TRPC1: variants seen among roughly 807,000 people sequenced by gnomAD.
TRPC1 encodes short transient receptor potential channel 1.
Under a neutral mutation model 88.2 loss-of-function variants are expected in TRPC1, and 42 were observed. That is an observed-to-expected ratio of 0.48 (90% CI 0.37 to 0.62). The LOEUF is 0.62. Among genes scored for constraint, TRPC1 ranks in the 20% least tolerant of loss-of-function variants. The probability of loss-of-function intolerance (pLI) is 0.00; values close to 1 mark genes in which losing one functional copy is unlikely to be tolerated. For synonymous variants in TRPC1, 288 were observed against 331.8 expected, an observed-to-expected ratio of 0.87 and a Z score of 1.43; for missense variants, 699 against 957.3, an observed-to-expected ratio of 0.73 and a Z score of 3.56.
At chr3:142,740,300 A>T (rs2108029029) in intron 2 of TRPC1, among the ~76,000 whole-genome samples, 1 of 152,368 alleles carries the variant, frequency 6.6e-6, no homozygotes, top group Non-Finnish European at 1.5e-5. Flanking sequence ...GGAAAACATT[A>T]AGTTCAGAAG....
chr3:142,727,150 A>G (rs1200373533), intron 1 of TRPC1, among the ~76,000 whole-genome samples: 4 of 152,206 alleles, frequency 2.6e-5, no homozygotes, highest in Non-Finnish European at 2.9e-5. Context: ...CTTTGTATGG[A>G]TGCTTTATAA....
At chr3:142,791,624 A>G (rs78426189) in intron 8 of TRPC1, among the ~76,000 whole-genome samples, 4,315 of 152,182 alleles carry the variant, frequency 0.028, 219 homozygotes, top group African/African-American at 0.099. Context: ...ATTAACCTGT[A>G]TATACTTAAA....
At chr3:142,771,834 A>G (rs1935590706) in intron 4 of TRPC1, among the ~76,000 whole-genome samples, 1 of 151,990 alleles carries the variant, frequency 6.6e-6, no homozygotes, top group Admixed American at 6.6e-5. Context: ...TTGCTTTTAT[A>G]TTTATTGTAA....
chr3:142,748,576 T>C (rs2108046291), intron 4 of TRPC1, 116 bp downstream of exon 4: 1 of 1,058,208 alleles, frequency 9.4e-7, no homozygotes, highest in Non-Finnish European at 1.4e-6. Flanking sequence ...GGGTGACTTA[T>C]GAAAGCCAAA....
chr3:142,781,982 AAATTGATGGAGG>A (rs1935970218), intron 6 of TRPC1, among the ~76,000 whole-genome samples: 1 of 152,130 alleles, frequency 6.6e-6, no homozygotes, highest in African/African-American at 2.4e-5. Flanking sequence ...AGTTATTAGG[AAATTGATGGAGG>A]AATTGATGGA....
rs1482674188 is a variant in TRPC1 at position 142,724,234 on chromosome 3, C to A, written c.-326C>A. The A allele has an allele frequency of 6.4e-6, 1 of 156,180 alleles. No individual in the cohort carries two copies. Among genetic ancestry groups the A allele is most frequent in the East Asian group, 1.9e-4 (1 of 5,380 alleles). The allele number at this position is 156,180 out of a possible 1,614,324, so 9.7% of individuals were successfully genotyped here. On this transcript the variant is annotated 5_prime_UTR_variant, in exon 1 of 13. Transcript: ENST00000476941. This position sits in a 1 kb window ranked among gnomAD's most constrained non-coding sequence, Gnocchi z 5.6. ...GCCCCTGCGACTCCTGGCACGGCCC[C>A]GTGCTCGGCTGCCGCCCTGGCGCGC... is the stretch of plus-strand genomic sequence containing the variant.
intron 1 of TRPC1, among the ~76,000 whole-genome samples, chr3:142,734,020 T>C (rs1934032437): frequency 6.6e-6 from 1 of 152,164 alleles, no homozygotes; most frequent in South Asian, 2.1e-4. Flanking sequence ...ACCAGGATTC[T>C]TAAAGGACTG....
chr3:142,732,971 T>A (rs1029567477), intron 1 of TRPC1, among the ~76,000 whole-genome samples: 1 of 152,066 alleles, frequency 6.6e-6, no homozygotes, highest in African/African-American at 2.4e-5. Context: ...CTGGTCTTTT[T>A]TTTTTTTTGA....
At chr3:142,799,948 TTAAAA>T (rs1398027900) in intron 9 of TRPC1, among the ~76,000 whole-genome samples, 1 of 152,188 alleles carries the variant, frequency 6.6e-6, no homozygotes, top group African/African-American at 2.4e-5. Context: ...TGTTTTAAAA[TTAAAA>T]TGATATCATA....
At chr3:142,762,317 T>C (rs2883546) in intron 4 of TRPC1, among the ~76,000 whole-genome samples, 7,614 of 152,218 alleles carry the variant, frequency 0.05, 247 homozygotes, top group East Asian at 0.14. Context: ...ATTACAGGTA[T>C]GAGCCACCGT....
chr3:142,742,428 G>A (rs72988606), intron 2 of TRPC1, among the ~76,000 whole-genome samples: 4,521 of 152,172 alleles, frequency 0.03, 238 homozygotes, highest in African/African-American at 0.1. Flanking sequence ...TAAGGGTTGA[G>A]TGAGGACTCC....
intron 10 of TRPC1, 102 bp downstream of exon 10, chr3:142,802,446 G>C (rs1936651837): frequency 2.4e-6 from 2 of 844,530 alleles, no homozygotes; most frequent in Non-Finnish European, 3.3e-6. Context: ...CACATTTTAA[G>C]AAATTCCTTA....
intron 8 of TRPC1, among the ~76,000 whole-genome samples, chr3:142,791,688 GAA>G (rs2108141138): frequency 6.6e-6 from 1 of 152,042 alleles, no homozygotes; most frequent in South Asian, 2.1e-4. Flanking sequence ...ATATCTGCCA[GAA>G]AAAGAGTTTC....
chr3:142,785,999 A>ACTGTATAATAAATGT (rs1381478883), intron 7 of TRPC1, among the ~76,000 whole-genome samples: 46 of 152,292 alleles, frequency 3.0e-4, no homozygotes, highest in Non-Finnish European at 5.9e-5. Context: ...TAAGTATTAC[A>ACTGTATAATAAATGT]CTGTATAATA....
intron 6 of TRPC1, 76 bp downstream of exon 6, chr3:142,781,105 T>A: frequency 1.6e-6 from 2 of 1,234,872 alleles, no homozygotes; most frequent in African/African-American, 1.5e-5. Context: ...GGCTTTGGAG[T>A]AACTCATCTG....
chr3:142,751,786 G>A (rs1375953308), intron 4 of TRPC1, among the ~76,000 whole-genome samples: 1 of 152,098 alleles, frequency 6.6e-6, no homozygotes, highest in Non-Finnish European at 1.5e-5. Flanking sequence ...TGATGGATTT[G>A]AGATAGTGAC....
intron 4 of TRPC1, among the ~76,000 whole-genome samples, chr3:142,763,127 G>C (rs1935243009): frequency 6.6e-6 from 1 of 152,092 alleles, no homozygotes; most frequent in Non-Finnish European, 1.5e-5. Context: ...CTGGTGAAAA[G>C]AATGTATATT....
intron 4 of TRPC1, among the ~76,000 whole-genome samples, chr3:142,759,742 G>C (rs914897904): frequency 6.6e-6 from 1 of 152,140 alleles, no homozygotes; most frequent in Non-Finnish European, 1.5e-5. Context: ...TGGTGTTTTA[G>C]TCATGAAGTC....
chr3:142,794,624 C>T (rs952977881), intron 9 of TRPC1, among the ~76,000 whole-genome samples: 1 of 152,110 alleles, frequency 6.6e-6, no homozygotes, highest in Non-Finnish European at 1.5e-5. Context: ...TGGCAGAATT[C>T]TGGATTTAGC....
Sources: gnomAD v4.1 joint callset for allele counts (sites outside exome capture counted in the v4.1 genomes callset) on GRCh38, gnomAD v4.1.1 for gene constraint, Gnocchi (gnomAD v3.1) non-coding constraint, MANE v1.5 for transcripts, NCBI Gene and HGNC (gene_info 2026-07-23, HGNC 2026-07-21) for gene names.